Variants in PRKCA observed in about 807,000 individuals in gnomAD.
The protein encoded by PRKCA is protein kinase C alpha, also known as protein kinase C alpha type.
In PRKCA, 27 loss-of-function variants were observed where a neutral mutation model predicts 87.0. The ratio of observed to expected loss-of-function variants is 0.31; its 90% confidence interval spans 0.23 to 0.43. The LOEUF is 0.43. Among genes scored for constraint, PRKCA ranks in the 20% least tolerant of loss-of-function variants. The probability of loss-of-function intolerance (pLI) is 1.00; values close to 1 mark genes in which losing one functional copy is unlikely to be tolerated. For synonymous variants in PRKCA, 329 were observed against 311.1 expected, an observed-to-expected ratio of 1.06 and a Z score of -0.61; for missense variants, 518 against 852.3, an observed-to-expected ratio of 0.61 and a Z score of 4.88.
intron 2 of PRKCA, among the ~76,000 whole-genome samples, chr17:66,473,609 G>A (rs1157419479): frequency 5.3e-5 from 8 of 152,162 alleles, no homozygotes; most frequent in Non-Finnish European, 1.0e-4. Flanking sequence ...GATAACTGCA[G>A]TAGCTACTAT....
At chr17:66,343,194 T>G (rs1907148226) in intron 2 of PRKCA, among the ~76,000 whole-genome samples, 1 of 152,196 alleles carries the variant, frequency 6.6e-6, no homozygotes, top group South Asian at 2.1e-4. Flanking sequence ...TGTCATTTTA[T>G]GCATATAAGT....
intron 2 of PRKCA, among the ~76,000 whole-genome samples, chr17:66,367,384 G>T (rs1052392824): frequency 6.6e-6 from 1 of 152,206 alleles, no homozygotes; most frequent in East Asian, 1.9e-4. Context: ...GAAAAATGAT[G>T]GTTTGGAAGC....
intron 16 of PRKCA, among the ~76,000 whole-genome samples, chr17:66,791,497 A>G (rs1042996320): frequency 6.6e-6 from 1 of 152,246 alleles, no homozygotes; most frequent in African/African-American, 2.4e-5. Context: ...CGCTGTGTTC[A>G]AAAGCGGAGA....
chr17:66,674,175 C>T (rs1398321780), intron 5 of PRKCA, among the ~76,000 whole-genome samples: 1 of 152,196 alleles, frequency 6.6e-6, no homozygotes, highest in African/African-American at 2.4e-5. Flanking sequence ...GGCCCTTGCC[C>T]TCAAGGTGCT....
intron 5 of PRKCA, chr17:66,677,041 A>G (rs1275736135): frequency 2.3e-5 from 3 of 131,700 alleles, no homozygotes; most frequent in Non-Finnish European, 5.0e-5. Context: ...TCAGCAAACT[A>G]CGGCCCAAGG....
At chr17:66,415,161 TA>T (rs1912062579) in intron 2 of PRKCA, 1 of 152,240 alleles carries the variant, frequency 6.6e-6, no homozygotes, top group South Asian at 2.1e-4. Context: ...TATTTCATAG[TA>T]AAGTCTAGAT....
chr17:66,612,322 A>C (rs1486890886), intron 3 of PRKCA, among the ~76,000 whole-genome samples: 2 of 146,648 alleles, frequency 1.4e-5, no homozygotes, highest in African/African-American at 5.0e-5. Flanking sequence ...TGGAGGTTGC[A>C]GTGAGCCAAG....
intron 3 of PRKCA, among the ~76,000 whole-genome samples, chr17:66,605,988 G>C (rs1970197259): frequency 6.6e-6 from 1 of 152,174 alleles, no homozygotes; most frequent in South Asian, 2.1e-4. Flanking sequence ...TTTTTGAGAT[G>C]ACAAATTGTG....
intron 3 of PRKCA, among the ~76,000 whole-genome samples, chr17:66,565,361 C>T (rs1236959161): frequency 6.6e-6 from 1 of 152,204 alleles, no homozygotes; most frequent in Non-Finnish European, 1.5e-5. Context: ...GTACCTTCTC[C>T]ATTTACATTT....
intron 2 of PRKCA, among the ~76,000 whole-genome samples, chr17:66,463,563 T>A (rs1274495539): frequency 6.6e-6 from 1 of 151,866 alleles, no homozygotes; most frequent in Non-Finnish European, 1.5e-5. Flanking sequence ...GCCCAGCTAA[T>A]TTTTTGTATT....
At chr17:66,768,543 G>A (rs1257731625) in intron 13 of PRKCA, among the ~76,000 whole-genome samples, 1 of 152,206 alleles carries the variant, frequency 6.6e-6, no homozygotes, top group Non-Finnish European at 1.5e-5. Flanking sequence ...AATTTCCGAA[G>A]TAAAGAAGCT....
Position 66,805,745 on chromosome 17 carries a change from CG to C in PRKCA, c.*1709del, listed in dbSNP as rs1976018236. 1 of 151,862 alleles carries C rather than the reference CG, an allele frequency of 6.6e-6. No homozygotes were observed. The allele number at this position is 151,862 out of a possible 1,614,324, so 9.4% of individuals were successfully genotyped here. The stretch of plus-strand genomic sequence containing the variant: ...GTGTCTGATTCCAGTCTGCCTAGTA[CG>C]TTGGTACACACGTGGCATTGCCGCA... On this transcript the variant is annotated 3_prime_UTR_variant, in exon 17 of 17. Transcript: ENST00000413366.
chr17:66,558,388 G>A (rs1968567577), intron 3 of PRKCA, among the ~76,000 whole-genome samples: 1 of 125,046 alleles, frequency 8.0e-6, no homozygotes, highest in Non-Finnish European at 1.7e-5. Flanking sequence ...TAGGAGAAGA[G>A]GGCTTTGCTG....
chr17:66,748,572 G>C (rs528120279), intron 13 of PRKCA, among the ~76,000 whole-genome samples: 1 of 152,304 alleles, frequency 6.6e-6, no homozygotes, highest in Admixed American at 6.5e-5. Flanking sequence ...CCAGCAGACG[G>C]GAGTGGGATG....
In PRKCA at chr17:66,653,030, G is replaced by A. The variant is rs545899702; in HGVS notation, c.529+7519G>A. Among the ~76,000 whole-genome samples, 7 of 152,320 alleles carry A rather than the reference G, an allele frequency of 4.6e-5. No individual in the cohort carries two copies. The East Asian group carries it at 7.7e-4, about 17-fold the overall frequency. ...ACCTGGCCCCTGGCCCCTGGCCCCC[G>A]TTAAACAGGTGAGTCACTGACCATT... On this transcript the variant is annotated intron_variant, in intron 5 of 16. Transcript: ENST00000413366.
At chr17:66,663,045 A>G (rs758034306) in intron 5 of PRKCA, among the ~76,000 whole-genome samples, 2 of 152,212 alleles carry the variant, frequency 1.3e-5, no homozygotes, top group Non-Finnish European at 2.9e-5. Flanking sequence ...GGATGGAGGA[A>G]GGATACCCTT....
chr17:66,456,537 G>A (rs990705224), intron 2 of PRKCA, among the ~76,000 whole-genome samples: 1 of 152,142 alleles, frequency 6.6e-6, no homozygotes, highest in Non-Finnish European at 1.5e-5. Context: ...CCGTGGGTTT[G>A]GGGATGATAG....
chr17:66,651,876 A>G (rs1352251969), intron 5 of PRKCA, among the ~76,000 whole-genome samples: 3 of 152,212 alleles, frequency 2.0e-5, no homozygotes, highest in Admixed American at 6.5e-5. Context: ...TTTGTAATTA[A>G]TAAGGAATCT....
At chr17:66,785,791 T>A (rs1443453067) in intron 14 of PRKCA, among the ~76,000 whole-genome samples, 1 of 152,248 alleles carries the variant, frequency 6.6e-6, no homozygotes, top group African/African-American at 2.4e-5. Context: ...CAAGGCACTT[T>A]ACTCCCAGAA....
Sources: gnomAD v4.1 joint callset for allele counts (sites outside exome capture counted in the v4.1 genomes callset) on GRCh38, gnomAD v4.1.1 for gene constraint, MANE v1.5 for transcripts, NCBI Gene and HGNC (gene_info 2026-07-23, HGNC 2026-07-21) for gene names.